The following DOCK7 variants were observed in gnomAD, a reference collection of about 807,000 sequenced individuals.
The protein encoded by DOCK7 is dedicator of cytokinesis 7.
Under a neutral mutation model 271.0 loss-of-function variants are expected in DOCK7, and 138 were observed. The ratio of observed to expected loss-of-function variants is 0.51; its 90% CI spans 0.44 to 0.59. The LOEUF (loss-of-function observed/expected upper bound fraction) is 0.59, where lower values mean the gene tolerates loss of function less well. Among genes scored for constraint, DOCK7 ranks in the 20% least tolerant of loss-of-function variants. DOCK7 has a pLI of 0.00. For missense variants in DOCK7, 2,066 were observed against 2,592.4 expected (o/e 0.80, Z 4.41); for synonymous variants, 823 against 876.1 (o/e 0.94, Z 1.07).
chr1:62,685,424 C>A (rs1157128107), intron 1 of DOCK7, among the ~76,000 whole-genome samples: 1 of 152,142 alleles, frequency 6.6e-6, no homozygotes, highest in Non-Finnish European at 1.5e-5. Context: ...CAAGGAAGAA[C>A]CTTTCATTCA....
In DOCK7 at chr1:62,505,671, A is replaced by G; in HGVS notation, c.4611+11T>C. ...AAAGTCTGACAACACTGCAGGTACAAAATAACCTACCTTTGAAACCAAGGC... is the reference window on the plus strand; with the variant it reads ...AAAGTCTGACAACACTGCAGGTACAGAATAACCTACCTTTGAAACCAAGGC... On this transcript the variant is annotated intron_variant, in intron 36 of 49. Coordinates refer to ENST00000635253, the MANE Select transcript of DOCK7 (RefSeq NM_001367561.1). The G allele has an allele frequency of 6.2e-7, 1 of 1,600,312 alleles. No homozygotes were observed. The highest frequency in any genetic ancestry group is 8.5e-7 in the Non-Finnish European group (1 of 1,176,024).
At chr1:62,589,195 C>G (rs895826985) in intron 14 of DOCK7, among the ~76,000 whole-genome samples, 8 of 152,198 alleles carry the variant, frequency 5.3e-5, no homozygotes, top group Non-Finnish European at 1.0e-4. Context: ...GGAATAAATG[C>G]TTGATTCTTT....
chr1:62,604,989 A>G, intron 14 of DOCK7: 1 of 641,104 alleles, frequency 1.6e-6, no homozygotes, highest in Non-Finnish European at 2.6e-6. Flanking sequence ...CTTAAAGAAT[A>G]CCGTTTACAT....
intron 15 of DOCK7, among the ~76,000 whole-genome samples, chr1:62,583,758 A>T (rs1647212210): frequency 6.6e-6 from 1 of 152,194 alleles, no homozygotes; most frequent in African/African-American, 2.4e-5. Context: ...AAGCTACTCT[A>T]CAATAGAGGA....
Position 62,633,528 on chromosome 1 carries a change from A to G in DOCK7, c.1086T>C (p.Tyr362=). ...TGGCATCTGCTTCTTTGAAAATCAT[A>G]TATGGTTCTGCACACTCTCCAATGT... ...QGDIGECAEP[Y]MIFKEADATK... The change falls in exon 10 of 50, where the codon TAT becomes TAC. Residue 362 remains tyrosine, a synonymous_variant. Transcript: ENST00000635253. 3 of 1,613,300 alleles carry G rather than the reference A, an allele frequency of 1.9e-6. No individual in the cohort carries two copies. The highest frequency in any genetic ancestry group is 2.7e-5 in the African/African-American group (2 of 75,016).
intron 20 of DOCK7, among the ~76,000 whole-genome samples, chr1:62,557,909 G>A (rs1646199166): frequency 1.3e-5 from 2 of 151,712 alleles, no homozygotes; most frequent in Non-Finnish European, 2.9e-5. Context: ...TTTTTTGTAT[G>A]AAATTCTGCA....
At chr1:62,457,797 G>GTATT in intron 48 of DOCK7, 92 bp from the exon 49 acceptor site, 1 of 1,223,918 alleles carries the variant, frequency 8.2e-7, no homozygotes, top group Non-Finnish European at 1.2e-6. Context: ...ACATATATAT[G>GTATT]TGGGCTTAAT....
chr1:62,501,906 A>G (rs1646795665), intron 37 of DOCK7, among the ~76,000 whole-genome samples: 1 of 152,140 alleles, frequency 6.6e-6, no homozygotes. Flanking sequence ...CTTTTAGCTT[A>G]AATAAACTAT....
chr1:62,676,331 G>T (rs1324642470), intron 1 of DOCK7, among the ~76,000 whole-genome samples: 3 of 152,200 alleles, frequency 2.0e-5, no homozygotes, highest in African/African-American at 2.4e-5. Flanking sequence ...GGCAAATTGA[G>T]AGATTGATAC....
intron 14 of DOCK7, among the ~76,000 whole-genome samples, chr1:62,616,781 A>G (rs1652490711): frequency 6.6e-6 from 1 of 151,836 alleles, no homozygotes; most frequent in African/African-American, 2.4e-5. Context: ...AACACCAGTG[A>G]TAAAGAAAAT....
At chr1:62,631,171 C>G (rs143399868) in intron 11 of DOCK7, 69 bp downstream of exon 11, 1 of 1,426,568 alleles carries the variant, frequency 7.0e-7, no homozygotes, top group Non-Finnish European at 9.4e-7. Context: ...GGCCATAGAG[C>G]GAAACTCCAT....
chr1:62,578,735 A>AC (rs1185925193), intron 17 of DOCK7, 93 bp downstream of exon 17: 38 of 1,022,082 alleles, frequency 3.7e-5, no homozygotes, highest in South Asian at 2.4e-4. Flanking sequence ...AAAAAAAAAA[A>AC]AAAACCCACA....
Position 62,559,025 on chromosome 1 carries a change from A to T in DOCK7, c.2395T>A (p.Leu799Ile), listed in dbSNP as rs1346114751. The change falls in exon 20 of 50, where the codon TTA (leucine) becomes ATA (isoleucine). Residue 799 changes from leucine (L) to isoleucine (I), a missense_variant. Coordinates refer to ENST00000635253, the MANE Select transcript of DOCK7 (RefSeq NM_001367561.1). ...GCAATGACAGGAGGTCTAATAACTA[A>T]AAGTATCAGTTTATCTAGCAGAAGA... ...LHLLLDKLIL[L>I]VIRPPVIAGQ... 2 of 1,613,666 alleles carry T rather than the reference A, an allele frequency of 1.2e-6. No individual in the cohort carries two copies. Among genetic ancestry groups the T allele is most frequent in the Admixed American group, 3.3e-5 (2 of 59,948 alleles).
rs6587980 is a variant in DOCK7, at chr1:62,625,187, C to T, written c.1425+72G>A. 538,294 of 1,514,880 alleles carry T rather than the reference C, an allele frequency of 0.36. 99,563 individuals carry two copies. The highest frequency in any genetic ancestry group is 0.58 in the African/African-American group (42,031 of 72,410). The allele number at this position is 1,514,880 out of a possible 1,614,324, so 93.8% of individuals were successfully genotyped here. ...CCCTCCCATACATGTATAGTACAAT[C>T]ACTACCTTTCTGAAATTAAAAAAAT... On this transcript the variant is annotated intron_variant, in intron 12 of 49. Transcript: ENST00000635253.
chr1:62,498,073 C>A (rs1646673150), intron 37 of DOCK7, among the ~76,000 whole-genome samples: 1 of 124,440 alleles, frequency 8.0e-6, no homozygotes, highest in South Asian at 2.7e-4. Context: ...ACCGGCATGT[C>A]TACGAAATTT....
intron 31 of DOCK7, among the ~76,000 whole-genome samples, chr1:62,527,092 T>C (rs1036842959): frequency 2.0e-5 from 3 of 152,160 alleles, no homozygotes; most frequent in Non-Finnish European, 4.4e-5. Flanking sequence ...GCTATAAAAT[T>C]GTCAAGTTTC....
chr1:62,642,742 TTCA>T (rs1440243794), intron 7 of DOCK7, among the ~76,000 whole-genome samples: 3 of 152,218 alleles, frequency 2.0e-5, no homozygotes, highest in Non-Finnish European at 1.5e-5. Flanking sequence ...AATTTCTTTG[TTCA>T]TCATTCTTCT....
chr1:62,471,102 A>G (rs1645818694), intron 48 of DOCK7, among the ~76,000 whole-genome samples: 1 of 152,208 alleles, frequency 6.6e-6, no homozygotes, highest in African/African-American at 2.4e-5. Flanking sequence ...GATTTTCTTA[A>G]TAACATTTTC....
At chr1:62,549,637 T>C (rs899124107) in intron 22 of DOCK7, among the ~76,000 whole-genome samples, 1 of 152,192 alleles carries the variant, frequency 6.6e-6, no homozygotes, top group Non-Finnish European at 1.5e-5. Context: ...CATTTATCCT[T>C]TGTGATACAA....
Sources: gnomAD v4.1 joint callset for allele counts (sites outside exome capture counted in the v4.1 genomes callset) on GRCh38, gnomAD v4.1.1 for gene constraint, MANE v1.5 for transcripts, NCBI Gene and HGNC (gene_info 2026-07-23, HGNC 2026-07-21) for gene names.